The following NBAS variants were observed in gnomAD, a reference collection of about 807,000 sequenced individuals.
NBAS encodes NBAS subunit of NRZ tethering complex.
A neutral mutation model predicts 302.5 loss-of-function variants in NBAS; 219 were observed. That is an observed-to-expected ratio of 0.72 (90% CI 0.65 to 0.81). NBAS has a LOEUF of 0.81. Among genes scored for constraint, NBAS ranks in the 30% least tolerant of loss-of-function variants. The pLI is 0.00. For missense variants in NBAS, 2,932 were observed against 2,841.6 expected, an observed-to-expected ratio of 1.03 and a Z score of -0.72; for synonymous variants, 1,118 against 1,021.6, an observed-to-expected ratio of 1.09 and a Z score of -1.80.
the NBAS span, among the ~76,000 whole-genome samples, chr2:14,854,165 T>C: frequency 2.6e-5 from 4 of 151,598 alleles, no homozygotes; most frequent in Non-Finnish European, 4.4e-5. Flanking sequence ...CCAAAACCTA[T>C]AGGATACAGC....
At chr2:14,841,500 CAA>C in the NBAS span, among the ~76,000 whole-genome samples, 692 of 122,034 alleles carry the variant, frequency 5.7e-3, 4 homozygotes, top group African/African-American at 0.013. Flanking sequence ...CAACTGGAAA[CAA>C]AAAAAAAAAA....
intron 40 of NBAS, among the ~76,000 whole-genome samples, chr2:15,306,854 C>T (rs1187352280): frequency 6.7e-6 from 1 of 149,444 alleles, no homozygotes; most frequent in Non-Finnish European, 1.5e-5. Context: ...AATACAAATA[C>T]ATGATTTGAC....
chr2:15,529,325 C>T (rs1380553665), intron 9 of NBAS, among the ~76,000 whole-genome samples: 4 of 151,858 alleles, frequency 2.6e-5, no homozygotes. Flanking sequence ...CATGGTGAAA[C>T]CCTATCTCTC....
At chr2:14,919,986 T>A in the NBAS span, among the ~76,000 whole-genome samples, 6 of 152,212 alleles carry the variant, frequency 3.9e-5, no homozygotes, top group Admixed American at 3.3e-4. Context: ...TAATGGCATC[T>A]GGAATGCTGA....
chr2:15,317,180 C>G (rs142760416), intron 38 of NBAS, among the ~76,000 whole-genome samples: 1 of 152,178 alleles, frequency 6.6e-6, no homozygotes, highest in African/African-American at 2.4e-5. Flanking sequence ...GGAAAACTAA[C>G]AAACAGAAAG....
At chr2:15,002,798 C>T in the NBAS span, among the ~76,000 whole-genome samples, 1 of 152,226 alleles carries the variant, frequency 6.6e-6, no homozygotes, top group African/African-American at 2.4e-5. Flanking sequence ...CCTCATTGCC[C>T]AGGGCCGGCA....
chr2:14,955,941 T>A, the NBAS span, among the ~76,000 whole-genome samples: 1 of 152,254 alleles, frequency 6.6e-6, no homozygotes, highest in Non-Finnish European at 1.5e-5. Flanking sequence ...TATGCAAATT[T>A]CTGCAGCTGG....
chr2:14,787,189 T>C, the NBAS span, among the ~76,000 whole-genome samples: 1 of 152,174 alleles, frequency 6.6e-6, no homozygotes, highest in African/African-American at 2.4e-5. Context: ...TCTTCCTCCA[T>C]CCTTTTATTT....
At chr2:15,374,495 G>T in intron 31 of NBAS, 113 bp downstream of exon 31, 1 of 886,596 alleles carries the variant, frequency 1.1e-6, no homozygotes, top group Non-Finnish European at 1.9e-6. Flanking sequence ...AGGATCTATT[G>T]CTAATGGATT....
chr2:15,142,012 C>T, the NBAS span, among the ~76,000 whole-genome samples: 1 of 152,190 alleles, frequency 6.6e-6, no homozygotes, highest in African/African-American at 2.4e-5. Context: ...GTGACATTTA[C>T]AATCACAAAA....
chr2:15,417,669 T>C lies in NBAS; in HGVS notation c.2621A>G (p.Asn874Ser). ...LSLIRLGMER[N>S]IPGLLVLCDN... Reference sequence around the variant, plus strand: ...ACAGAGAACCAGCAAACCAGGAATATTCCGCTCCATCCCAAGTCGAATAAG... The same window carrying C: ...ACAGAGAACCAGCAAACCAGGAATACTCCGCTCCATCCCAAGTCGAATAAG... Residue 874 changes from asparagine (N) to serine (S), a missense_variant, in exon 24 of 52, where the codon AAT becomes AGT. Coordinates refer to ENST00000281513, the MANE Select transcript of NBAS (RefSeq NM_015909.4). 1.9e-6 allele frequency: 3 copies of C among 1,613,988 alleles called. No homozygotes were observed. Among genetic ancestry groups the C allele is most frequent in the Non-Finnish European group, 2.5e-6 (3 of 1,179,968 alleles).
rs1558540651 is a variant in NBAS, at chr2:15,330,639, G to A, written c.4306C>T (p.Gln1436Ter). ...TAAGTTAAAGACTTCTTCCACCACTGCCCATCACTGACGGCCTGCAGCACC... is the reference window on the plus strand; with the variant it reads ...TAAGTTAAAGACTTCTTCCACCACTACCCATCACTGACGGCCTGCAGCACC... Reference protein sequence around the residue: ...KAVLQAVSDGQWWKKSLTYLR... With the variant: ...KAVLQAVSDG The change falls in exon 36 of 52, where the codon CAG becomes TAG. Residue 1436 changes from glutamine (Q) to a stop codon, truncating the protein, a stop_gained. Transcript: ENST00000281513. LOFTEE classifies it high-confidence loss of function. 2.5e-6 allele frequency: 4 copies of A among 1,614,004 alleles called. No individual in the cohort carries two copies. Among genetic ancestry groups the A allele is most frequent in the South Asian group, 2.2e-5 (2 of 91,078 alleles).
chr2:15,488,609 G>C (rs930520609), intron 12 of NBAS, among the ~76,000 whole-genome samples: 2 of 151,944 alleles, frequency 1.3e-5, no homozygotes, highest in African/African-American at 4.8e-5. Flanking sequence ...TCTCCATTCT[G>C]TACTTTTGAA....
chr2:15,119,762 C>G, the NBAS span, among the ~76,000 whole-genome samples: 26 of 152,320 alleles, frequency 1.7e-4, no homozygotes, highest in Middle Eastern at 6.8e-3. Context: ...TACAGAGGCC[C>G]TCTGAGAATT....
At chr2:14,840,295 C>G in the NBAS span, among the ~76,000 whole-genome samples, 1 of 151,742 alleles carries the variant, frequency 6.6e-6, no homozygotes, top group East Asian at 1.9e-4. Context: ...AAAATTACCT[C>G]AAAAGAACAA....
At chr2:15,331,408 G>A (rs925582562) in intron 35 of NBAS, among the ~76,000 whole-genome samples, 2 of 152,084 alleles carry the variant, frequency 1.3e-5, no homozygotes, top group African/African-American at 4.8e-5. Context: ...TAAACAGAAA[G>A]GATGAAGACC....
intron 42 of NBAS, among the ~76,000 whole-genome samples, chr2:15,283,827 G>A (rs768942776): frequency 4.6e-5 from 7 of 152,184 alleles, no homozygotes; most frequent in Non-Finnish European, 8.8e-5. Context: ...GTTGGTGGCT[G>A]TGGGCAGATT....
chr2:14,991,558 G>A, the NBAS span, among the ~76,000 whole-genome samples: 78 of 152,286 alleles, frequency 5.1e-4, 1 homozygote, highest in East Asian at 2.3e-3. Context: ...TAGAAACACC[G>A]GGAGAGCTGT....
intron 3 of NBAS, among the ~76,000 whole-genome samples, chr2:15,555,194 T>C (rs1481122604): frequency 2.0e-5 from 3 of 151,316 alleles, no homozygotes; most frequent in African/African-American, 7.3e-5. Context: ...AAAGCTACAG[T>C]GTACCATGAT....
Sources: gnomAD v4.1 joint callset for allele counts (sites outside exome capture counted in the v4.1 genomes callset) on GRCh38, gnomAD v4.1.1 for gene constraint, MANE v1.5 for transcripts, NCBI Gene and HGNC (gene_info 2026-07-23, HGNC 2026-07-21) for gene names.